Variants in RSPH14 observed in about 807,000 individuals in gnomAD.
RSPH14 encodes the protein rhabdoid tumor deletion region gene 1.
Under a neutral mutation model 26.7 loss-of-function variants are expected in RSPH14, and 20 were observed. That is an observed-to-expected ratio of 0.75 (90% confidence interval 0.53 to 1.09). RSPH14 has a LOEUF of 1.09. RSPH14 is among the 50% of genes least tolerant of loss of function. The probability of loss-of-function intolerance (pLI) is 0.00; values close to 1 mark genes in which losing one functional copy is unlikely to be tolerated. For missense variants in RSPH14, 449 were observed against 457.2 expected, an observed-to-expected ratio of 0.98 and a Z score of 0.16; for synonymous variants, 177 against 189.3, an observed-to-expected ratio of 0.93 and a Z score of 0.53.
the RSPH14 span, among the ~76,000 whole-genome samples, chr22:23,175,183 A>G: frequency 6.6e-6 from 1 of 152,034 alleles, no homozygotes; most frequent in Non-Finnish European, 1.5e-5. Context: ...TATTTTTAGT[A>G]GAGTCGGGGT....
At chr22:23,074,168 C>T (rs1035711121) in intron 4 of RSPH14, among the ~76,000 whole-genome samples, 3 of 151,984 alleles carry the variant, frequency 2.0e-5, no homozygotes, top group African/African-American at 7.3e-5. Context: ...AGAGAAGAGA[C>T]TGGAGCTGCC....
chr22:23,097,843 C>A (rs1398286841), intron 4 of RSPH14, among the ~76,000 whole-genome samples: 3 of 152,240 alleles, frequency 2.0e-5, no homozygotes, highest in African/African-American at 7.2e-5. Context: ...GTGGGTCTGC[C>A]AGTCACACGG....
the RSPH14 span, among the ~76,000 whole-genome samples, chr22:23,154,899 G>A: frequency 6.6e-6 from 1 of 152,200 alleles, no homozygotes; most frequent in African/African-American, 2.4e-5. Context: ...GCCAGGGCGG[G>A]TGGATCACCT....
chr22:23,160,806 G>T, the RSPH14 span: 73 of 1,559,616 alleles, frequency 4.7e-5, 1 homozygote, highest in South Asian at 8.5e-4. Context: ...GGCTAGCCTG[G>T]CTTTCACACC....
intron 4 of RSPH14, chr22:23,123,550 C>T (rs1396598889): frequency 3.1e-6 from 2 of 641,626 alleles, no homozygotes; most frequent in Admixed American, 2.9e-5. Flanking sequence ...ATGTCCCCCA[C>T]CCCTTGGCCT....
At position 23,061,212 on chromosome 22, in the gene RSPH14, G is replaced by A. The variant is rs189995068; in HGVS notation, c.790+597C>T. ...CAGGCTGGTGGGTGTGTAGGGGCCA[G>A]AGGGAAAGTCAAATGCTTTCAGGGG... On this transcript the variant is annotated intron_variant, in intron 6 of 6. Transcript: ENST00000216036. Among the ~76,000 whole-genome samples the A allele has an allele frequency of 5.0e-3, 764 of 152,282 alleles. 4 individuals are homozygous for A. Among genetic ancestry groups the A allele is most frequent in the South Asian group, 0.015 (71 of 4,812 alleles).
At chr22:23,100,783 G>C (rs1469076101) in intron 4 of RSPH14, among the ~76,000 whole-genome samples, 5 of 152,196 alleles carry the variant, frequency 3.3e-5, no homozygotes, top group Non-Finnish European at 5.9e-5. Flanking sequence ...TGGCTTCTGG[G>C]TGCAGAGCAG....
chr22:23,141,128 A>G (rs560154593), intron 1 of RSPH14, among the ~76,000 whole-genome samples: 1 of 152,310 alleles, frequency 6.6e-6, no homozygotes, highest in South Asian at 2.1e-4. Context: ...CAAGAGATCG[A>G]GACCATCCTG....
rs759325196 is a variant in RSPH14 at position 23,059,630 on chromosome 22, G to C, written c.879C>G (p.Thr293=). 3.7e-6 allele frequency: 6 copies of C among 1,609,932 alleles called. No individual in the cohort carries two copies. In the Admixed American group the frequency reaches 8.5e-5, roughly 23 times the overall value. The change falls in exon 7 of 7, where the codon ACC becomes ACG. Residue 293 remains threonine, a synonymous_variant. Transcript: ENST00000216036. The part of the protein sequence containing the change: ...SPMTIARLNA[T]KALTMLAEAP... The stretch of plus-strand genomic sequence containing the variant: ...CCTCTGCCAGCATGGTAAGGGCCTT[G>C]GTGGCATTCAGGCGCGCTATGGTCA...
intron 3 of RSPH14, among the ~76,000 whole-genome samples, chr22:23,135,196 A>G (rs763929008): frequency 1.5e-4 from 23 of 151,794 alleles, no homozygotes; most frequent in Non-Finnish European, 2.2e-4. Flanking sequence ...ATTCTAGGCC[A>G]GGCGCGGTGG....
At chr22:23,092,421 G>A (rs530401100) in intron 4 of RSPH14, among the ~76,000 whole-genome samples, 12 of 152,184 alleles carry the variant, frequency 7.9e-5, no homozygotes, top group East Asian at 3.9e-4. Flanking sequence ...CCACAGAGCC[G>A]CAGGGAGAAT....
chr22:23,092,009 C>T (rs116516710), intron 4 of RSPH14, among the ~76,000 whole-genome samples: 138 of 152,350 alleles, frequency 9.1e-4, no homozygotes, highest in African/African-American at 2.9e-3. Flanking sequence ...CACTCTTTTC[C>T]TGGCCCATTC....
intron 4 of RSPH14, among the ~76,000 whole-genome samples, chr22:23,113,187 T>G (rs1428540669): frequency 1.3e-5 from 2 of 152,310 alleles, no homozygotes; most frequent in African/African-American, 4.8e-5. Context: ...AGCTGAGTGT[T>G]CTGACGTTGG....
chr22:23,143,006 G>A (rs749818263), upstream of RSPH14, among the ~76,000 whole-genome samples: 2 of 152,166 alleles, frequency 1.3e-5, no homozygotes, highest in Non-Finnish European at 2.9e-5. Flanking sequence ...ATGCAACTTG[G>A]TGAACACTTC....
the RSPH14 span, among the ~76,000 whole-genome samples, chr22:23,170,110 G>C: frequency 8.0e-6 from 1 of 124,370 alleles, no homozygotes; most frequent in Non-Finnish European, 1.7e-5. Flanking sequence ...AAAAAAAAAA[G>C]CAAAAAAAGA....
the RSPH14 span, among the ~76,000 whole-genome samples, chr22:23,173,058 A>C: frequency 6.6e-6 from 1 of 151,814 alleles, no homozygotes; most frequent in African/African-American, 2.4e-5. Flanking sequence ...ATGTTTTTCC[A>C]TGGCTTGTCA....
At chr22:23,066,745 G>A (rs981683097) in intron 4 of RSPH14, among the ~76,000 whole-genome samples, 5 of 152,140 alleles carry the variant, frequency 3.3e-5, no homozygotes, top group Non-Finnish European at 4.4e-5. Flanking sequence ...CAGCCTGAGC[G>A]TCCGCTGGGG....
At chr22:23,161,390 A>C in the RSPH14 span, 1 of 997,900 alleles carries the variant, frequency 1.0e-6, no homozygotes, top group Admixed American at 2.0e-5. Flanking sequence ...CTTGAACAGC[A>C]GGCCCAGAAG....
At chr22:23,152,435 C>T in the RSPH14 span, 874 of 1,613,340 alleles carry the variant, frequency 5.4e-4, 7 homozygotes, top group African/African-American at 9.2e-3. Flanking sequence ...GCATGCCCGA[C>T]GGCAACACGG....
Sources: allele counts gnomAD v4.1 joint callset (sites outside exome capture counted in the v4.1 genomes callset), GRCh38; gene constraint gnomAD v4.1.1; transcripts MANE v1.5; gene names NCBI Gene and HGNC (gene_info 2026-07-23, HGNC 2026-07-21).